The following FOCAD variants were observed in gnomAD, a reference collection of about 807,000 sequenced individuals.
FOCAD encodes the protein focadhesin.
In FOCAD, 198 loss-of-function variants were observed where a neutral mutation model predicts 225.6. The ratio of observed to expected loss-of-function variants is 0.88; its 90% confidence interval spans 0.78 to 0.99. FOCAD has a LOEUF of 0.99. Ranked by LOEUF, FOCAD falls within the 50% of genes least tolerant of loss-of-function variation. The pLI is 0.00. For missense variants in FOCAD, 2,713 were observed against 2,123.6 expected, an observed-to-expected ratio of 1.28 and a Z score of -5.46; for synonymous variants, 897 against 755.0, an observed-to-expected ratio of 1.19 and a Z score of -3.08.
At chr9:20,753,371 G>C (rs1029306540) in intron 5 of FOCAD, among the ~76,000 whole-genome samples, 59 of 151,392 alleles carry the variant, frequency 3.9e-4, no homozygotes, top group South Asian at 8.4e-4. Context: ...TAGCATGAAG[G>C]GTTGTTGAAT....
At chr9:20,968,795 C>G (rs1180232048) in intron 35 of FOCAD, among the ~76,000 whole-genome samples, 3 of 152,192 alleles carry the variant, frequency 2.0e-5, no homozygotes, top group East Asian at 3.9e-4. Flanking sequence ...TTTCCTTCCT[C>G]TACCTTTGGG....
Position 20,976,429 on chromosome 9 carries a change from CTG to C in FOCAD, c.4145_4146del (p.Val1382AlafsTer6). The C allele has an allele frequency of 6.2e-7, 1 of 1,612,948 alleles. No homozygotes were observed. Among genetic ancestry groups the C allele is most frequent in the Non-Finnish European group, 8.5e-7 (1 of 1,179,144 alleles). On this transcript the variant is annotated frameshift_variant, in exon 36 of 44. Coordinates refer to ENST00000338382, the MANE Select transcript of FOCAD (RefSeq NM_001375567.1). LOFTEE classifies it high-confidence loss of function. Reference sequence around the variant, plus strand: ...TCACTGTCTGTTATAGGTCCTGAATCTGTGCCTCCTTCCCTTCTTAAAGTAGT... The same window carrying C: ...TCACTGTCTGTTATAGGTCCTGAATCTGCCTCCTTCCCTTCTTAAAGTAGT...
chr9:20,759,518 G>A (rs1222748355), intron 6 of FOCAD, among the ~76,000 whole-genome samples: 1 of 152,156 alleles, frequency 6.6e-6, no homozygotes, highest in East Asian at 1.9e-4. Context: ...TACGGAGAAA[G>A]CTGAAACTGG....
At chr9:20,921,540 A>G (rs1834434061) in intron 24 of FOCAD, among the ~76,000 whole-genome samples, 1 of 152,186 alleles carries the variant, frequency 6.6e-6, no homozygotes, top group Admixed American at 6.5e-5. Flanking sequence ...TCCATAAGTC[A>G]TTGTGGCAGG....
intron 15 of FOCAD, among the ~76,000 whole-genome samples, chr9:20,851,281 T>A (rs1404698420): frequency 6.6e-6 from 1 of 151,538 alleles, no homozygotes; most frequent in Non-Finnish European, 1.5e-5. Flanking sequence ...TTTTTTTCCA[T>A]CTAGCGTCTT....
chr9:20,741,676 CTTTT>C (rs10675694), intron 5 of FOCAD, among the ~76,000 whole-genome samples: 3 of 87,166 alleles, frequency 3.4e-5, no homozygotes, highest in South Asian at 4.6e-4. Context: ...GGTAAATATG[CTTTT>C]TTTTTTTTTT....
intron 5 of FOCAD, among the ~76,000 whole-genome samples, chr9:20,750,398 T>G (rs1427346523): frequency 2.6e-5 from 4 of 152,212 alleles, no homozygotes; most frequent in Non-Finnish European, 5.9e-5. Flanking sequence ...ATGTAGTTCT[T>G]CTATTTGCTA....
intron 21 of FOCAD, among the ~76,000 whole-genome samples, chr9:20,898,366 T>C (rs1224014196): frequency 6.6e-6 from 1 of 151,820 alleles, no homozygotes; most frequent in African/African-American, 2.4e-5. Context: ...ATTATGTGTA[T>C]GTTATAACTT....
At chr9:20,950,950 A>G in intron 33 of FOCAD, 46 bp from the exon 34 acceptor site, 8 of 1,525,212 alleles carry the variant, frequency 5.2e-6, no homozygotes, top group Non-Finnish European at 7.3e-6. Flanking sequence ...ATTGAATGGA[A>G]CTTGGATCTT....
chr9:20,741,721 C>T (rs892191034), intron 5 of FOCAD, among the ~76,000 whole-genome samples: 11 of 99,788 alleles, frequency 1.1e-4, no homozygotes, highest in African/African-American at 2.3e-4. Flanking sequence ...TCCTTTGTGA[C>T]GTAAGGGTTT....
chr9:20,793,377 T>C (rs1331119509), intron 11 of FOCAD, among the ~76,000 whole-genome samples: 2 of 152,224 alleles, frequency 1.3e-5, no homozygotes, highest in African/African-American at 2.4e-5. Context: ...TTGATCCCTT[T>C]TGTGTTTTCC....
intron 11 of FOCAD, among the ~76,000 whole-genome samples, chr9:20,800,311 T>A (rs1042333255): frequency 1.3e-5 from 2 of 152,136 alleles, no homozygotes; most frequent in Non-Finnish European, 2.9e-5. Flanking sequence ...TTGGTGAATC[T>A]GACAATTATG....
At chr9:20,862,815 G>A (rs1828895689) in intron 16 of FOCAD, 103 bp downstream of exon 16, 4 of 1,336,708 alleles carry the variant, frequency 3.0e-6, no homozygotes, top group Admixed American at 4.4e-5. Flanking sequence ...TGTTGTTGTT[G>A]TTGTTCTGAG....
chr9:20,682,928 C>T (rs541307954), upstream of FOCAD, among the ~76,000 whole-genome samples: 439 of 152,192 alleles, frequency 2.9e-3, 6 homozygotes, highest in Admixed American at 5.7e-3. Flanking sequence ...GGCGCGCAAC[C>T]CCACGCCGGG....
chr9:20,928,639 G>T (rs1415297771), intron 26 of FOCAD, among the ~76,000 whole-genome samples: 1 of 152,024 alleles, frequency 6.6e-6, no homozygotes, highest in Admixed American at 6.5e-5. Flanking sequence ...ATTTTATTAG[G>T]GCTGTTATTC....
At chr9:20,814,661 C>G (rs1448467796) in intron 11 of FOCAD, among the ~76,000 whole-genome samples, 1 of 151,874 alleles carries the variant, frequency 6.6e-6, no homozygotes, top group Non-Finnish European at 1.5e-5. Context: ...CCCAGCCACT[C>G]ATTTTCTTTT....
intron 6 of FOCAD, among the ~76,000 whole-genome samples, chr9:20,762,049 A>T (rs1297053321): frequency 6.6e-6 from 1 of 152,238 alleles, no homozygotes; most frequent in Non-Finnish European, 1.5e-5. Flanking sequence ...ATGTCAAATC[A>T]TAATGGCATC....
intron 15 of FOCAD, among the ~76,000 whole-genome samples, chr9:20,848,732 T>G (rs1445316964): frequency 6.6e-6 from 1 of 151,960 alleles, no homozygotes. Flanking sequence ...TTGCAACTTG[T>G]TTTTTTCAGC....
intron 15 of FOCAD, among the ~76,000 whole-genome samples, chr9:20,856,482 G>T (rs1828197892): frequency 6.6e-6 from 1 of 151,876 alleles, no homozygotes; most frequent in African/African-American, 2.4e-5. Flanking sequence ...TTTTATTCTA[G>T]TTATTAATTC....
Sources: allele counts gnomAD v4.1 joint callset (sites outside exome capture counted in the v4.1 genomes callset), GRCh38; gene constraint gnomAD v4.1.1; transcripts MANE v1.5; gene names NCBI Gene and HGNC (gene_info 2026-07-23, HGNC 2026-07-21).